Variants in ZDHHC14 observed in about 807,000 individuals in gnomAD.
ZDHHC14 encodes the protein palmitoyltransferase ZDHHC14.
Under a neutral mutation model 47.7 loss-of-function variants are expected in ZDHHC14, and 16 were observed. The ratio of observed to expected loss-of-function variants is 0.34; its 90% CI spans 0.23 to 0.51. The LOEUF is 0.51. Among genes scored for constraint, ZDHHC14 ranks in the 20% least tolerant of loss-of-function variants. The pLI, the probability that ZDHHC14 is intolerant of heterozygous loss-of-function variation, is 0.97. For missense variants in ZDHHC14, 515 were observed against 662.5 expected, an observed-to-expected ratio of 0.78 and a Z score of 2.44; for synonymous variants, 293 against 278.9, an observed-to-expected ratio of 1.05 and a Z score of -0.50.
intron 1 of ZDHHC14, among the ~76,000 whole-genome samples, chr6:157,495,004 T>G (rs560330718): frequency 6.6e-6 from 1 of 152,246 alleles, no homozygotes; most frequent in African/African-American, 2.4e-5. Flanking sequence ...TCAGCTTTTC[T>G]TGACAGCTGT....
intron 1 of ZDHHC14, among the ~76,000 whole-genome samples, chr6:157,462,804 C>A (rs1044846761): frequency 5.3e-5 from 8 of 152,232 alleles, no homozygotes; most frequent in African/African-American, 1.7e-4. Flanking sequence ...CTGGCGGGGG[C>A]CTCTTCCTGC....
chr6:157,642,023 A>AAGATAGGT (rs372939481), intron 5 of ZDHHC14, among the ~76,000 whole-genome samples: 2 of 146,728 alleles, frequency 1.4e-5, no homozygotes, highest in Admixed American at 1.4e-4. Context: ...GTATATTTTG[A>AAGATAGGT]AGATAGATAG....
intron 1 of ZDHHC14, among the ~76,000 whole-genome samples, chr6:157,386,645 GAA>G (rs1423500213): frequency 6.6e-6 from 1 of 152,208 alleles, no homozygotes; most frequent in African/African-American, 2.4e-5. Context: ...GAGTACTGAT[GAA>G]AAGTGACAGC....
intron 1 of ZDHHC14, among the ~76,000 whole-genome samples, chr6:157,453,788 T>TTTTTTTTTTTTGTGTGTGTGTGTGTG (rs3220439): frequency 1.0e-4 from 15 of 148,194 alleles, no homozygotes; most frequent in African/African-American, 3.8e-4. Context: ...TTTTTGTGTT[T>TTTTTTTTTTTTGTGTGTGTGTGTGTG]TGTGTGTGTG....
At chr6:157,575,282 A>C (rs941295481) in intron 2 of ZDHHC14, among the ~76,000 whole-genome samples, 3 of 152,244 alleles carry the variant, frequency 2.0e-5, no homozygotes, top group Non-Finnish European at 4.4e-5. Flanking sequence ...TGTTAATCTC[A>C]TCTAAAAAAT....
chr6:157,507,053 T>C (rs1780344766), intron 1 of ZDHHC14, among the ~76,000 whole-genome samples: 1 of 152,192 alleles, frequency 6.6e-6, no homozygotes, highest in Non-Finnish European at 1.5e-5. Flanking sequence ...CTAAGTAATA[T>C]GTATGTACTT....
At position 157,582,364 on chromosome 6, in the gene ZDHHC14, G is replaced by A. The variant is rs918167243; in HGVS notation, c.407-10624G>A. Among the ~76,000 whole-genome samples, 1 of 152,204 alleles carries A rather than the reference G, an allele frequency of 6.6e-6. No individual in the cohort carries two copies. Among genetic ancestry groups the A allele is most frequent in the African/African-American group, 2.4e-5 (1 of 41,458 alleles). On this transcript the variant is annotated intron_variant, in intron 2 of 8. Coordinates refer to ENST00000359775, the MANE Select transcript of ZDHHC14 (RefSeq NM_024630.3). This position sits in a 1 kb window ranked among gnomAD's most constrained non-coding sequence, Gnocchi z 4.3. ...GTGTACTTGAGTGTGTTTTTGTAGT[G>A]GCTGGTAATGGTCCTTCCTTTCCAT...
At position 157,437,975 on chromosome 6, in the gene ZDHHC14, A is replaced by T. The variant is rs145809951; in HGVS notation, c.245+55709A>T. 2.6e-5 allele frequency among the ~76,000 whole-genome samples: 4 copies of T among 152,184 alleles called. No homozygotes were observed. The South Asian group carries it at 8.3e-4, about 32-fold the overall frequency. ...TACTTGGTTTTCTAAATAGGTATAAAGCTAATTAAAAGTTAGGTGTACTGA... is the reference window on the plus strand; with the variant it reads ...TACTTGGTTTTCTAAATAGGTATAATGCTAATTAAAAGTTAGGTGTACTGA... On this transcript the variant is annotated intron_variant, in intron 1 of 8. Transcript: ENST00000359775.
chr6:157,488,852 A>C (rs1779842740), intron 1 of ZDHHC14, among the ~76,000 whole-genome samples: 1 of 152,140 alleles, frequency 6.6e-6, no homozygotes, highest in African/African-American at 2.4e-5. Context: ...AGGAGTTTGC[A>C]TTCTGAGCCG....
chr6:157,638,073 G>C (rs1777068495), intron 5 of ZDHHC14, among the ~76,000 whole-genome samples: 1 of 152,174 alleles, frequency 6.6e-6, no homozygotes, highest in East Asian at 1.9e-4. Context: ...GGCCAGCCCA[G>C]GGGGAGAGGG....
chr6:157,593,191 G>T, intron 3 of ZDHHC14, 45 bp downstream of exon 3: 1 of 1,576,464 alleles, frequency 6.3e-7, no homozygotes, highest in Non-Finnish European at 8.6e-7. Flanking sequence ...CGGGTCCTCC[G>T]GGTGGGTTTG....
At chr6:157,399,057 C>T (rs1048126327) in intron 1 of ZDHHC14, among the ~76,000 whole-genome samples, 2 of 152,208 alleles carry the variant, frequency 1.3e-5, no homozygotes, top group African/African-American at 4.8e-5. Context: ...TGACTGTTTT[C>T]CAGAAAGTTA....
chr6:157,601,479 A>G (rs1354297592), intron 3 of ZDHHC14, among the ~76,000 whole-genome samples: 1 of 152,190 alleles, frequency 6.6e-6, no homozygotes, highest in Non-Finnish European at 1.5e-5. Flanking sequence ...TATGTTTAGT[A>G]GGTTTATCAG....
chr6:157,650,366 C>T (rs1282687866), intron 7 of ZDHHC14, among the ~76,000 whole-genome samples: 2 of 151,514 alleles, frequency 1.3e-5, no homozygotes, highest in African/African-American at 2.4e-5. Flanking sequence ...GAGTGGGGGG[C>T]GAAGGGAGCT....
intron 1 of ZDHHC14, among the ~76,000 whole-genome samples, chr6:157,389,598 G>A (rs950128892): frequency 5.3e-5 from 8 of 151,952 alleles, no homozygotes; most frequent in Non-Finnish European, 1.0e-4. Flanking sequence ...CATATTTTTA[G>A]TATTTCCTTT....
chr6:157,402,884 A>C (rs1777672737), intron 1 of ZDHHC14, among the ~76,000 whole-genome samples: 1 of 152,056 alleles, frequency 6.6e-6, no homozygotes, highest in Non-Finnish European at 1.5e-5. Flanking sequence ...GCACCAGCAC[A>C]CCTGGCTAGT....
At chr6:157,658,531 G>A (rs565254349) in intron 8 of ZDHHC14, among the ~76,000 whole-genome samples, 6 of 147,228 alleles carry the variant, frequency 4.1e-5, no homozygotes, top group South Asian at 2.3e-4. Context: ...GACTAAGCCC[G>A]CACTTGACAC....
intron 1 of ZDHHC14, among the ~76,000 whole-genome samples, chr6:157,525,336 G>GT (rs199814751): frequency 0.012 from 1,812 of 152,020 alleles, 35 homozygotes; most frequent in African/African-American, 0.041. Flanking sequence ...AATTTTTAAG[G>GT]TTTTTCTTTT....
chr6:157,530,408 T>G (rs942403404), intron 1 of ZDHHC14, among the ~76,000 whole-genome samples: 2 of 152,214 alleles, frequency 1.3e-5, no homozygotes, highest in Admixed American at 1.3e-4. Context: ...GATAAAGGAA[T>G]CATCTGTGAA....
Sources: gnomAD v4.1 joint callset for allele counts (sites outside exome capture counted in the v4.1 genomes callset) on GRCh38, gnomAD v4.1.1 for gene constraint, Gnocchi (gnomAD v3.1) non-coding constraint, MANE v1.5 for transcripts, NCBI Gene and HGNC (gene_info 2026-07-23, HGNC 2026-07-21) for gene names.